SOS2: variants seen among roughly 807,000 people sequenced by gnomAD.
SOS2 encodes the protein son of sevenless homolog 2.
SOS2 carries 65 observed loss-of-function variants against 148.2 expected under a neutral mutation model. The observed-to-expected ratio is 0.44, with a 90% confidence interval of 0.36 to 0.54. SOS2 has a LOEUF of 0.54. SOS2 is among the 20% of genes least tolerant of loss of function. The pLI is 0.00. For missense variants in SOS2, 1,341 were observed against 1,590.2 expected (o/e 0.84, Z 2.67); for synonymous variants, 539 against 537.1 (o/e 1.00, Z -0.05).
intron 14 of SOS2, 142 bp downstream of exon 14, chr14:50,149,866 C>G (rs1001410771): frequency 3.1e-6 from 2 of 636,530 alleles, no homozygotes; most frequent in Non-Finnish European, 5.5e-6. Flanking sequence ...TAGTTAAAAA[C>G]TGTGCTATGA....
chr14:50,189,330 G>GAGAAAAAAA (rs1566472509), intron 4 of SOS2, among the ~76,000 whole-genome samples: 1 of 3,604 alleles, frequency 2.8e-4, no homozygotes, highest in Non-Finnish European at 7.7e-4. Context: ...ACACATAATA[G>GAGAAAAAAA]CAAAAAAAAA....
chr14:50,139,542 G>C (rs1459159491), intron 17 of SOS2, among the ~76,000 whole-genome samples: 1 of 152,130 alleles, frequency 6.6e-6, no homozygotes, highest in Non-Finnish European at 1.5e-5. Flanking sequence ...GACAAAACTT[G>C]ATTTAAATCA....
chr14:50,221,115 T>A (rs1300934147), intron 1 of SOS2, among the ~76,000 whole-genome samples: 1 of 152,226 alleles, frequency 6.6e-6, no homozygotes, highest in Non-Finnish European at 1.5e-5. Context: ...ATTTTCCCTT[T>A]AAAACCTCCA....
intron 1 of SOS2, among the ~76,000 whole-genome samples, chr14:50,208,459 G>T (rs1886749228): frequency 1.3e-5 from 2 of 152,028 alleles, no homozygotes; most frequent in African/African-American, 4.8e-5. Flanking sequence ...GACCACCCTG[G>T]CCAATACGGT....
rs550439551 is a variant in SOS2, at chr14:50,123,404, G to A, written c.3380-3020C>T. Among the ~76,000 whole-genome samples the A allele has an allele frequency of 7.9e-5, 8 of 101,082 alleles. No homozygotes were observed. The South Asian group carries it at 2.5e-3, about 32-fold the overall frequency. 66.3% of individuals were successfully genotyped at this position (101,082 alleles called of 152,430 possible). ...GCTTTTTTTTTTTTTTTTTTGAGAT[G>A]GAGTTTCACTCTTGTCGCCCAGGCT... On this transcript the variant is annotated intron_variant, in intron 21 of 22. Coordinates refer to ENST00000216373, the MANE Select transcript of SOS2 (RefSeq NM_006939.4).
At chr14:50,143,327 A>AG (rs1390101406) in intron 16 of SOS2, among the ~76,000 whole-genome samples, 9 of 46,238 alleles carry the variant, frequency 1.9e-4, no homozygotes, top group East Asian at 8.4e-4. Flanking sequence ...TTGACTCTTT[A>AG]GGAAAAAAAA....
intron 1 of SOS2, among the ~76,000 whole-genome samples, chr14:50,210,662 T>C (rs1886838702): frequency 6.6e-6 from 1 of 151,474 alleles, no homozygotes; most frequent in Non-Finnish European, 1.5e-5. Flanking sequence ...ATCTAGAATA[T>C]ATAGAGAACT....
intron 4 of SOS2, among the ~76,000 whole-genome samples, chr14:50,192,143 C>CAAAAAAAAA (rs201836422): frequency 8.4e-6 from 1 of 118,908 alleles, no homozygotes; most frequent in African/African-American, 3.5e-5. Flanking sequence ...GTCCTTGTCA[C>CAAAAAAAAA]AAAAAAAAAA....
chr14:50,226,355 A>G (rs1887375751), intron 1 of SOS2, among the ~76,000 whole-genome samples: 1 of 152,206 alleles, frequency 6.6e-6, no homozygotes, highest in South Asian at 2.1e-4. Context: ...GACACCAGTT[A>G]TATTTTCTCA....
intron 8 of SOS2, among the ~76,000 whole-genome samples, chr14:50,167,006 G>A (rs1317054084): frequency 6.6e-6 from 1 of 152,026 alleles, no homozygotes; most frequent in Non-Finnish European, 1.5e-5. Context: ...CCAGAAGTTT[G>A]AGATCAGCTT....
At chr14:50,159,375 TA>T in intron 10 of SOS2, 55 bp downstream of exon 10, 1 of 1,218,914 alleles carries the variant, frequency 8.2e-7, no homozygotes, top group Non-Finnish European at 1.1e-6. Context: ...TGAGCATCCT[TA>T]AAAAGCTTTT....
chr14:50,157,157 T>C (rs201303467), intron 11 of SOS2, 36 bp from the exon 12 acceptor site: 86 of 1,590,878 alleles, frequency 5.4e-5, no homozygotes, highest in Non-Finnish European at 7.2e-5. Flanking sequence ...AATCCGTTCA[T>C]ACATAATGAA....
chr14:50,127,501 G>GT (rs1409761389), intron 21 of SOS2, among the ~76,000 whole-genome samples: 2 of 152,108 alleles, frequency 1.3e-5, no homozygotes, highest in African/African-American at 2.4e-5. Context: ...CCAGAAAATG[G>GT]TAACAACTAC....
At chr14:50,132,889 A>T (rs1489632587) in intron 19 of SOS2, among the ~76,000 whole-genome samples, 2 of 152,070 alleles carry the variant, frequency 1.3e-5, no homozygotes, top group African/African-American at 4.8e-5. Flanking sequence ...CTCTCATTAA[A>T]CCAGAGCAAT....
chr14:50,190,220 T>C (rs946980960), intron 4 of SOS2, among the ~76,000 whole-genome samples: 2 of 152,098 alleles, frequency 1.3e-5, no homozygotes, highest in Non-Finnish European at 1.5e-5. Context: ...GTTAATTATA[T>C]ATTTAAGACT....
chr14:50,227,659 T>G (rs575290991), intron 1 of SOS2, among the ~76,000 whole-genome samples: 3 of 152,200 alleles, frequency 2.0e-5, no homozygotes, highest in African/African-American at 7.2e-5. Context: ...TCTCCTGACC[T>G]CAGGTAATCT....
chr14:50,144,664 C>T (rs1884408039), intron 16 of SOS2, among the ~76,000 whole-genome samples: 1 of 152,056 alleles, frequency 6.6e-6, no homozygotes, highest in Admixed American at 6.6e-5. Context: ...TTTCGAACTC[C>T]TGAGCTCAGG....
chr14:50,208,749 T>C (rs1202651432), intron 1 of SOS2, among the ~76,000 whole-genome samples: 1 of 152,228 alleles, frequency 6.6e-6, no homozygotes, highest in East Asian at 1.9e-4. Context: ...AAAAGGATAT[T>C]TTCTATTATC....
chr14:50,163,040 T>C (rs1453391127), intron 8 of SOS2, among the ~76,000 whole-genome samples: 1 of 151,704 alleles, frequency 6.6e-6, no homozygotes, highest in Non-Finnish European at 1.5e-5. Flanking sequence ...TAGCTAGAAC[T>C]ACAGATGTGT....
Sources: gnomAD v4.1 joint callset for allele counts (sites outside exome capture counted in the v4.1 genomes callset) on GRCh38, gnomAD v4.1.1 for gene constraint, MANE v1.5 for transcripts, NCBI Gene and HGNC (gene_info 2026-07-23, HGNC 2026-07-21) for gene names.